GDAP1L1: variants seen among roughly 807,000 people sequenced by gnomAD.
The protein encoded by GDAP1L1 is ganglioside-induced differentiation-associated protein 1-like 1.
A neutral mutation model predicts 37.1 loss-of-function variants in GDAP1L1; 21 were observed. That is an observed-to-expected ratio of 0.57 (90% CI 0.40 to 0.81). The LOEUF (loss-of-function observed/expected upper bound fraction) is 0.81, where lower values mean the gene tolerates loss of function less well. Among genes scored for constraint, GDAP1L1 ranks in the 40% least tolerant of loss-of-function variants. GDAP1L1 has a pLI of 0.00. For synonymous variants in GDAP1L1, 193 were observed against 209.1 expected (o/e 0.92, Z 0.67); for missense variants, 362 against 491.6 (o/e 0.74, Z 2.49).
At chr20:44,276,412 AAAAG>A (rs59432514) in intron 5 of GDAP1L1, among the ~76,000 whole-genome samples, 4,358 of 113,314 alleles carry the variant, frequency 0.038, 84 homozygotes, top group Non-Finnish European at 0.043. Context: ...AGAAAAAAGA[AAAAG>A]AAAGAAAGAA....
At chr20:44,272,496 G>T (rs1449686858) in intron 5 of GDAP1L1, among the ~76,000 whole-genome samples, 1 of 152,158 alleles carries the variant, frequency 6.6e-6, no homozygotes, top group Non-Finnish European at 1.5e-5. Flanking sequence ...ATAGGACCCT[G>T]GGCAGCACGG....
chr20:44,263,112 G>T (rs764804343), intron 3 of GDAP1L1, 118 bp from the exon 4 acceptor site: 2 of 772,408 alleles, frequency 2.6e-6, no homozygotes, highest in Admixed American at 1.9e-5. Flanking sequence ...GTTGGCTGTC[G>T]ACAGTATTAC....
intron 3 of GDAP1L1, among the ~76,000 whole-genome samples, chr20:44,259,804 A>G (rs1486644617): frequency 6.6e-6 from 1 of 152,160 alleles, no homozygotes; most frequent in Non-Finnish European, 1.5e-5. Context: ...GCCAAGACTC[A>G]GGATTTACCT....
chr20:44,257,824 C>T (rs1337311601), intron 2 of GDAP1L1, among the ~76,000 whole-genome samples: 1 of 151,992 alleles, frequency 6.6e-6, no homozygotes, highest in Admixed American at 6.5e-5. Context: ...CCCAGACGCC[C>T]CAGAACCCTG....
In GDAP1L1 at chr20:44,256,834, G is replaced by A. The variant is rs562136254; in HGVS notation, c.181-319G>A. Among the ~76,000 whole-genome samples the A allele has an allele frequency of 5.9e-5, 9 of 152,162 alleles. No homozygotes were observed. The East Asian group carries it at 1.7e-3, about 29-fold the overall frequency. On this transcript the variant is annotated intron_variant, in intron 1 of 5. Transcript: ENST00000342560. The stretch of plus-strand genomic sequence containing the variant: ...TCATTTTTAAAATAAGAAAACTGAG[G>A]CCCAGAAAGTTTAAGGACTGCCCAC...
chr20:44,277,939 A>G (rs1362267505), intron 5 of GDAP1L1, among the ~76,000 whole-genome samples: 4 of 152,120 alleles, frequency 2.6e-5, no homozygotes, highest in Admixed American at 6.5e-5. Context: ...GGATCACCTG[A>G]GGTCAGGAGT....
At chr20:44,255,935 A>C (rs2073532796) in intron 1 of GDAP1L1, among the ~76,000 whole-genome samples, 1 of 152,174 alleles carries the variant, frequency 6.6e-6, no homozygotes, top group South Asian at 2.1e-4. Flanking sequence ...CTAACTTAGA[A>C]ATATTGGGCT....
At chr20:44,276,438 AAG>A (rs1491331551) in intron 5 of GDAP1L1, among the ~76,000 whole-genome samples, 39 of 145,756 alleles carry the variant, frequency 2.7e-4, no homozygotes, top group African/African-American at 8.4e-4. Flanking sequence ...GAAAGAAAGA[AAG>A]AAAGAAAGAA....
chr20:44,271,622 G>A (rs1348014634), intron 5 of GDAP1L1, among the ~76,000 whole-genome samples: 2 of 152,076 alleles, frequency 1.3e-5, no homozygotes, highest in Admixed American at 1.3e-4. Flanking sequence ...GGGTAGAGGT[G>A]AACAAAGAAG....
upstream of GDAP1L1, chr20:44,247,265 T>C: frequency 1.3e-6 from 2 of 1,500,310 alleles, no homozygotes; most frequent in South Asian, 1.1e-5. Flanking sequence ...GGCGAGGCCA[T>C]GTGATGCTGG....
rs150893189 is a variant in GDAP1L1 at position 44,263,377 on chromosome 20, G to A, written c.645+50G>A. The A allele has an allele frequency of 1.2e-3, 1,420 of 1,206,328 alleles. 7 individuals carry two copies. The African/African-American group carries it at 0.017, about 14-fold the overall frequency. 74.7% of individuals were successfully genotyped at this position (1,206,328 alleles called of 1,614,324 possible). Reference sequence around the variant, plus strand: ...TCCCCTTCCCTACGAGCTCTTCCACGGAAATGAACAATAGGAGAAACTAAG... The same window carrying A: ...TCCCCTTCCCTACGAGCTCTTCCACAGAAATGAACAATAGGAGAAACTAAG... On this transcript the variant is annotated intron_variant, in intron 4 of 5. Transcript: ENST00000342560.
intron 5 of GDAP1L1, among the ~76,000 whole-genome samples, chr20:44,270,395 C>T (rs1423288213): frequency 1.3e-5 from 2 of 152,054 alleles, no homozygotes; most frequent in Admixed American, 6.6e-5. Flanking sequence ...TGGTCTCGAT[C>T]TCCTGACCTC....
At chr20:44,267,689 C>T (rs753572837) in intron 5 of GDAP1L1, among the ~76,000 whole-genome samples, 4 of 151,832 alleles carry the variant, frequency 2.6e-5, no homozygotes, top group Non-Finnish European at 2.9e-5. Flanking sequence ...GATCAATGAG[C>T]AAATGCATGT....
In GDAP1L1 at chr20:44,275,591, G is replaced by A. The variant is rs1412456720; in HGVS notation, c.761-3366G>A. On this transcript the variant is annotated intron_variant, in intron 5 of 5. Transcript: ENST00000342560. ...GGAGGCTGAAGTGGCAGCTTGTTGG[G>A]GAAGACAGTGGACCAATGGGCAATT... Among the ~76,000 whole-genome samples the A allele has an allele frequency of 2.0e-5, 3 of 152,128 alleles. No individual in the cohort carries two copies. The East Asian group carries it at 5.8e-4, about 29-fold the overall frequency.
chr20:44,263,160 T>C, intron 3 of GDAP1L1, 70 bp from the exon 4 acceptor site: 1 of 1,161,628 alleles, frequency 8.6e-7, no homozygotes, highest in Non-Finnish European at 1.3e-6. Context: ...TACTTCAAGT[T>C]GTGTAAGGCA....
At chr20:44,273,029 C>T (rs896578332) in intron 5 of GDAP1L1, among the ~76,000 whole-genome samples, 26 of 152,158 alleles carry the variant, frequency 1.7e-4, no homozygotes, top group Non-Finnish European at 3.4e-4. Context: ...CCTGAGTTGA[C>T]GTGGAGATAC....
Position 44,263,394 on chromosome 20 carries a change from G to T in GDAP1L1, c.645+67G>T, listed in dbSNP as rs1329211484. ...TCTTCCACGGAAATGAACAATAGGA[G>T]AAACTAAGTAGAAGATCAGCTGATG... On this transcript the variant is annotated intron_variant, in intron 4 of 5. Transcript: ENST00000342560. 1.7e-5 allele frequency: 18 copies of T among 1,071,814 alleles called. No individual in the cohort carries two copies. The Admixed American group carries it at 3.1e-4, about 19-fold the overall frequency. 66.4% of individuals were successfully genotyped at this position (1,071,814 alleles called of 1,614,324 possible). A position where few individuals can be genotyped will look rare whatever the true frequency, so the allele number is the denominator to read the frequency against.
rs968873930 is a variant in GDAP1L1 at position 44,273,932 on chromosome 20, G to A, written c.761-5025G>A. On this transcript the variant is annotated intron_variant, in intron 5 of 5. Coordinates refer to ENST00000342560, the MANE Select transcript of GDAP1L1 (RefSeq NM_024034.6). ...TCTTCACAGCTCTGATCCCCACAAC[G>A]ACCCACCCACTGTATATCATCAATT... Among the ~76,000 whole-genome samples, 6 of 152,024 alleles carry A rather than the reference G, an allele frequency of 3.9e-5. No homozygotes were observed. In the East Asian group the frequency reaches 9.6e-4, roughly 24 times the overall value.
At chr20:44,249,542 G>A (rs1057008825) in intron 1 of GDAP1L1, among the ~76,000 whole-genome samples, 10 of 152,198 alleles carry the variant, frequency 6.6e-5, no homozygotes, top group East Asian at 1.9e-4. Context: ...GGGCCCCAGC[G>A]GCTGGGACCA....
Sources: allele counts gnomAD v4.1 joint callset (sites outside exome capture counted in the v4.1 genomes callset), GRCh38; gene constraint gnomAD v4.1.1; transcripts MANE v1.5; gene names NCBI Gene and HGNC (gene_info 2026-07-23, HGNC 2026-07-21).